The following NEBL variants were observed in gnomAD, a reference collection of about 807,000 sequenced individuals.
NEBL encodes the protein LIM and SH3 protein 2.
Under a neutral mutation model 140.2 loss-of-function variants are expected in NEBL, and 122 were observed. That is an observed-to-expected ratio of 0.87 (90% confidence interval 0.75 to 1.01). The LOEUF (loss-of-function observed/expected upper bound fraction) is 1.01. Ranked by LOEUF, NEBL falls within the 50% of genes least tolerant of loss-of-function variation. The pLI is 0.00. For missense variants in NEBL, 1,365 were observed against 1,231.3 expected (o/e 1.11, Z -1.62); for synonymous variants, 436 against 398.9 (o/e 1.09, Z -1.11).
In NEBL at chr10:20,831,157, T is replaced by A. The variant is rs760673391; in HGVS notation, c.1671+39A>T. 3 of 1,360,094 alleles carry A rather than the reference T, an allele frequency of 2.2e-6. No homozygotes were observed. The South Asian group carries it at 3.5e-5, about 16-fold the overall frequency. 84.3% of individuals were successfully genotyped at this position (1,360,094 alleles called of 1,614,324 possible). On this transcript the variant is annotated intron_variant, in intron 16 of 27. Transcript: ENST00000377122. The stretch of plus-strand genomic sequence containing the variant: ...TACAAAGCACATGGCAACATGACAT[T>A]GGAATACACGATTCTGAGCATCTTC...
At chr10:21,284,210 C>CAAAAAAA (rs35693200) in intron 1 of NEBL, among the ~76,000 whole-genome samples, 5 of 37,166 alleles carry the variant, frequency 1.3e-4, no homozygotes, top group Admixed American at 4.7e-4. Context: ...ACTCCGTCTC[C>CAAAAAAA]AAAAAAAAAA....
chr10:21,261,864 C>T (rs925873987), intron 1 of NEBL, among the ~76,000 whole-genome samples: 2 of 152,056 alleles, frequency 1.3e-5, no homozygotes, highest in African/African-American at 4.8e-5. Context: ...CCCTGCGTGT[C>T]CTGCTGAGAC....
intron 2 of NEBL, among the ~76,000 whole-genome samples, chr10:21,145,503 G>GA (rs1029462361): frequency 1.8e-4 from 27 of 152,278 alleles, no homozygotes; most frequent in East Asian, 1.7e-3. Context: ...TGACACTTAG[G>GA]AACCACTCGG....
At chr10:20,937,516 C>A (rs141655771) in intron 4 of NEBL, among the ~76,000 whole-genome samples, 1 of 151,970 alleles carries the variant, frequency 6.6e-6, no homozygotes, top group Non-Finnish European at 1.5e-5. Flanking sequence ...GTGTGAGTGA[C>A]GCAGAAAACA....
chr10:20,862,340 C>T (rs1294378780), intron 7 of NEBL, among the ~76,000 whole-genome samples: 2 of 152,160 alleles, frequency 1.3e-5, no homozygotes, highest in African/African-American at 4.8e-5. Flanking sequence ...ACAAGTTTCC[C>T]TCATTAATGA....
intron 3 of NEBL, among the ~76,000 whole-genome samples, chr10:20,987,580 A>C (rs1448852004): frequency 6.6e-6 from 1 of 152,122 alleles, no homozygotes; most frequent in Non-Finnish European, 1.5e-5. Flanking sequence ...AGAGCCACAG[A>C]CTGGAGCATG....
At chr10:21,261,753 C>T (rs944379285) in intron 1 of NEBL, among the ~76,000 whole-genome samples, 1 of 152,116 alleles carries the variant, frequency 6.6e-6, no homozygotes, top group African/African-American at 2.4e-5. Context: ...ATAAAGGATA[C>T]TGAGCCTCGT....
intron 2 of NEBL, among the ~76,000 whole-genome samples, chr10:21,022,419 C>A (rs945234422): frequency 6.6e-6 from 1 of 152,114 alleles, no homozygotes; most frequent in Non-Finnish European, 1.5e-5. Flanking sequence ...CTAGCACTTG[C>A]GAAATAAAGA....
chr10:21,051,795 T>C (rs977262463), intron 2 of NEBL, among the ~76,000 whole-genome samples: 1 of 152,236 alleles, frequency 6.6e-6, no homozygotes, highest in African/African-American at 2.4e-5. Flanking sequence ...TATTGAGATA[T>C]GATTGAAACT....
At chr10:20,994,172 G>T (rs569840996) in intron 3 of NEBL, among the ~76,000 whole-genome samples, 2 of 152,178 alleles carry the variant, frequency 1.3e-5, no homozygotes, top group Non-Finnish European at 2.9e-5. Flanking sequence ...CTCACACTTT[G>T]AATTACGCTG....
intron 5 of NEBL, among the ~76,000 whole-genome samples, chr10:20,876,372 G>C (rs1845504343): frequency 6.6e-6 from 1 of 151,980 alleles, no homozygotes; most frequent in Non-Finnish European, 1.5e-5. Context: ...TTCTGTCTTA[G>C]AGATGAATAA....
intron 26 of NEBL, among the ~76,000 whole-genome samples, chr10:20,788,766 T>C (rs1835659519): frequency 6.6e-6 from 1 of 152,142 alleles, no homozygotes; most frequent in African/African-American, 2.4e-5. Flanking sequence ...ATATTTGATA[T>C]CAACAGATGT....
intron 1 of NEBL, among the ~76,000 whole-genome samples, chr10:21,253,867 G>A (rs1301505063): frequency 6.6e-6 from 1 of 151,890 alleles, no homozygotes; most frequent in African/African-American, 2.4e-5. Flanking sequence ...TTTTAAGGAT[G>A]ATCTCTTCAA....
intron 2 of NEBL, among the ~76,000 whole-genome samples, chr10:21,082,760 C>CTTTT (rs1564504896): frequency 5.7e-5 from 3 of 52,838 alleles, no homozygotes; most frequent in African/African-American, 1.6e-4. Context: ...AGGAGGGATG[C>CTTTT]ATTTTTTTTT....
At chr10:21,252,131 C>T (rs1348547688) in intron 1 of NEBL, among the ~76,000 whole-genome samples, 1 of 152,134 alleles carries the variant, frequency 6.6e-6, no homozygotes, top group Admixed American at 6.6e-5. Context: ...GAAAAGTCTC[C>T]GGCTTTTGAA....
chr10:21,250,792 G>A (rs190588097), intron 2 of NEBL, among the ~76,000 whole-genome samples: 6 of 152,094 alleles, frequency 3.9e-5, no homozygotes, highest in African/African-American at 1.2e-4. Context: ...GTAGGCAACT[G>A]TGAGGCAGGA....
At chr10:21,019,727 G>A (rs773859078) in intron 3 of NEBL, among the ~76,000 whole-genome samples, 18 of 152,148 alleles carry the variant, frequency 1.2e-4, no homozygotes, top group Non-Finnish European at 2.4e-4. Flanking sequence ...ATACACAGAC[G>A]GGGTGTTAGC....
At chr10:21,224,571 G>T (rs1842118833) in intron 3 of NEBL, among the ~76,000 whole-genome samples, 1 of 152,002 alleles carries the variant, frequency 6.6e-6, no homozygotes, top group Admixed American at 6.6e-5. Flanking sequence ...ATTTTGATAA[G>T]GATTGCATTT....
chr10:21,278,815 G>A (rs1240558523), intron 1 of NEBL, among the ~76,000 whole-genome samples: 1 of 152,124 alleles, frequency 6.6e-6, no homozygotes, highest in East Asian at 1.9e-4. Flanking sequence ...GGAGTTCTCT[G>A]CAGGGCCAAG....
Sources: allele counts gnomAD v4.1 joint callset (sites outside exome capture counted in the v4.1 genomes callset), GRCh38; gene constraint gnomAD v4.1.1; transcripts MANE v1.5; gene names NCBI Gene and HGNC (gene_info 2026-07-23, HGNC 2026-07-21).